Variants in CDH12 observed in about 807,000 individuals in gnomAD.
CDH12 encodes cadherin 12.
Under a neutral mutation model 74.1 loss-of-function variants are expected in CDH12, and 41 were observed. The ratio of observed to expected loss-of-function variants is 0.55; its 90% confidence interval spans 0.43 to 0.72. The LOEUF (loss-of-function observed/expected upper bound fraction) is 0.72. Among genes scored for constraint, CDH12 ranks in the 30% least tolerant of loss-of-function variants. CDH12 has a pLI of 0.00. For missense variants in CDH12, 945 were observed against 977.2 expected (o/e 0.97, Z 0.44); for synonymous variants, 399 against 355.0 (o/e 1.12, Z -1.39).
chr5:22,123,444 T>C (rs935112036), intron 4 of CDH12, among the ~76,000 whole-genome samples: 8 of 152,198 alleles, frequency 5.3e-5, no homozygotes, highest in African/African-American at 1.7e-4. Context: ...TCTTTTTCTA[T>C]GAAAAAGTCT....
chr5:22,005,814 A>C (rs1181147963), intron 5 of CDH12, among the ~76,000 whole-genome samples: 1 of 151,946 alleles, frequency 6.6e-6, no homozygotes, highest in Non-Finnish European at 1.5e-5. Context: ...TTTTTTCCTA[A>C]ATTGCCTGAA....
intron 4 of CDH12, chr5:22,143,801 G>C (rs1274717617): frequency 6.6e-6 from 1 of 152,186 alleles, no homozygotes. Context: ...GGAACTACTT[G>C]GCATGTAAGA....
chr5:22,546,965 G>C (rs923376748), intron 1 of CDH12, among the ~76,000 whole-genome samples: 5 of 152,124 alleles, frequency 3.3e-5, no homozygotes, highest in African/African-American at 1.2e-4. Flanking sequence ...CAAAAATAAA[G>C]CATAGATCTG....
At chr5:22,813,178 AT>A (rs763209514) in intron 1 of CDH12, among the ~76,000 whole-genome samples, 13 of 152,216 alleles carry the variant, frequency 8.5e-5, no homozygotes, top group Non-Finnish European at 1.9e-4. Flanking sequence ...TAGGATGTAA[AT>A]AAAACCTCTT....
At chr5:22,078,422 T>C (rs774637987) in intron 5 of CDH12, 24 bp downstream of exon 5, 3 of 1,604,434 alleles carry the variant, frequency 1.9e-6, no homozygotes, top group Non-Finnish European at 2.6e-6. Flanking sequence ...TATCAAGCGG[T>C]TGTCAAAAGA....
intron 5 of CDH12, among the ~76,000 whole-genome samples, chr5:22,063,002 T>C (rs1288664358): frequency 3.9e-5 from 6 of 152,140 alleles, no homozygotes; most frequent in South Asian, 4.1e-4. Context: ...CAATTGAACA[T>C]ATAAATACAT....
intron 5 of CDH12, among the ~76,000 whole-genome samples, chr5:22,007,395 T>C (rs1349430145): frequency 2.0e-5 from 3 of 152,130 alleles, no homozygotes; most frequent in Non-Finnish European, 4.4e-5. Flanking sequence ...GATTTAGCCA[T>C]TGCACAATGT....
chr5:22,135,593 C>A (rs967059140), intron 4 of CDH12, among the ~76,000 whole-genome samples: 8 of 151,874 alleles, frequency 5.3e-5, no homozygotes, highest in Non-Finnish European at 1.0e-4. Flanking sequence ...ATAAATAATT[C>A]GCAAATCAGG....
chr5:22,000,826 C>T (rs996103671), intron 5 of CDH12, among the ~76,000 whole-genome samples: 14 of 151,926 alleles, frequency 9.2e-5, no homozygotes, highest in African/African-American at 3.4e-4. Flanking sequence ...GGTACTTATA[C>T]TTTCTTTAAT....
At chr5:22,202,159 C>CTTCT (rs1750962776) in intron 4 of CDH12, among the ~76,000 whole-genome samples, 3 of 38,512 alleles carry the variant, frequency 7.8e-5, no homozygotes, top group Non-Finnish European at 2.1e-4. Flanking sequence ...TCCTTCCTTC[C>CTTCT]TTCCTTCCTC....
At chr5:22,303,597 A>T (rs1737984708) in intron 3 of CDH12, among the ~76,000 whole-genome samples, 1 of 152,136 alleles carries the variant, frequency 6.6e-6, no homozygotes, top group Non-Finnish European at 1.5e-5. Context: ...AGCAGTAACA[A>T]AAAAGGCCAA....
intron 4 of CDH12, among the ~76,000 whole-genome samples, chr5:22,170,369 C>G (rs1445307266): frequency 6.6e-6 from 1 of 151,788 alleles, no homozygotes; most frequent in East Asian, 1.9e-4. Flanking sequence ...ATTTCACATA[C>G]TAACATTTCC....
intron 1 of CDH12, among the ~76,000 whole-genome samples, chr5:22,801,574 C>A (rs1380283350): frequency 6.9e-6 from 1 of 144,728 alleles, no homozygotes; most frequent in East Asian, 2.0e-4. Context: ...TTAATCTTAA[C>A]AAACTTAACA....
intron 3 of CDH12, among the ~76,000 whole-genome samples, chr5:22,315,248 C>T (rs1312903584): frequency 6.6e-6 from 1 of 150,528 alleles, no homozygotes; most frequent in African/African-American, 2.4e-5. Context: ...TGGCGTGAGC[C>T]ACCGCGCCCG....
intron 2 of CDH12, among the ~76,000 whole-genome samples, chr5:22,454,997 TGAA>T (rs1157628343): frequency 3.3e-5 from 5 of 152,110 alleles, no homozygotes; most frequent in Non-Finnish European, 5.9e-5. Context: ...TGTGAAGGAA[TGAA>T]GAAGTAGAAG....
intron 6 of CDH12, among the ~76,000 whole-genome samples, chr5:21,935,332 G>T (rs1214138276): frequency 6.6e-6 from 1 of 152,126 alleles, no homozygotes; most frequent in African/African-American, 2.4e-5. Flanking sequence ...ACATGGCTAT[G>T]CAGACATTGC....
intron 1 of CDH12, among the ~76,000 whole-genome samples, chr5:22,767,565 T>G (rs1746582516): frequency 6.6e-6 from 1 of 151,942 alleles, no homozygotes; most frequent in South Asian, 2.1e-4. Flanking sequence ...CATTTTATAA[T>G]ATAATAATTA....
chr5:21,883,029 G>A, intron 6 of CDH12: 1 of 1,609,856 alleles, frequency 6.2e-7, no homozygotes, highest in Non-Finnish European at 8.5e-7. Flanking sequence ...TGTGATGTTA[G>A]CTGTTGATGC....
chr5:22,184,297 T>C (rs999588728), intron 4 of CDH12, among the ~76,000 whole-genome samples: 3 of 152,172 alleles, frequency 2.0e-5, no homozygotes, highest in Non-Finnish European at 4.4e-5. Flanking sequence ...GTTCATAAAA[T>C]TGACCCTTGG....
Sources: allele counts gnomAD v4.1 joint callset (sites outside exome capture counted in the v4.1 genomes callset), GRCh38; gene constraint gnomAD v4.1.1; transcripts MANE v1.5; gene names NCBI Gene and HGNC (gene_info 2026-07-23, HGNC 2026-07-21).